Variants in STIM1 observed in about 807,000 individuals in gnomAD.
STIM1 encodes stromal interaction molecule 1.
Under a neutral mutation model 74.7 loss-of-function variants are expected in STIM1, and 25 were observed. The ratio of observed to expected loss-of-function variants is 0.33; its 90% CI spans 0.24 to 0.47. STIM1 has a LOEUF of 0.47. STIM1 is among the 20% of genes least tolerant of loss of function. STIM1 has a pLI of 1.00. For synonymous variants in STIM1, 328 were observed against 348.8 expected (o/e 0.94, Z 0.66); for missense variants, 728 against 920.8 (o/e 0.79, Z 2.71).
At chr11:4,068,784 C>T (rs1387276987) in intron 5 of STIM1, among the ~76,000 whole-genome samples, 2 of 152,210 alleles carry the variant, frequency 1.3e-5, no homozygotes, top group African/African-American at 4.8e-5. Context: ...CTCAGCCTTT[C>T]TGTGAGGAGC....
At chr11:4,009,544 G>T (rs1035932951) in intron 2 of STIM1, among the ~76,000 whole-genome samples, 2 of 151,398 alleles carry the variant, frequency 1.3e-5, no homozygotes, top group African/African-American at 4.9e-5. Context: ...GCGGGCAGAG[G>T]TTGCAGTGAG....
intron 5 of STIM1, 138 bp from the exon 6 acceptor site, chr11:4,069,887 TA>T: frequency 1.1e-6 from 1 of 925,652 alleles, no homozygotes; most frequent in Non-Finnish European, 1.7e-6. Context: ...AGTGTGTATC[TA>T]AGAAGAGAAA....
intron 1 of STIM1, among the ~76,000 whole-genome samples, chr11:3,949,177 A>G (rs1435690024): frequency 1.3e-5 from 2 of 152,212 alleles, no homozygotes; most frequent in Non-Finnish European, 2.9e-5. Flanking sequence ...CCCGGGGGTC[A>G]GTATAGAGAA....
intron 3 of STIM1, among the ~76,000 whole-genome samples, chr11:4,027,686 T>C (rs1186193332): frequency 6.6e-6 from 1 of 152,172 alleles, no homozygotes; most frequent in African/African-American, 2.4e-5. Flanking sequence ...GTGTCTTTGC[T>C]CAAGAGTCAG....
chr11:3,864,651 G>A (rs933832257), intron 1 of STIM1, among the ~76,000 whole-genome samples: 8 of 152,150 alleles, frequency 5.3e-5, no homozygotes, highest in African/African-American at 1.9e-4. Flanking sequence ...CTTCTATATT[G>A]TGTTTGTTAG....
intron 4 of STIM1, among the ~76,000 whole-genome samples, chr11:4,056,266 A>C (rs534919664): frequency 1.3e-5 from 2 of 152,182 alleles, no homozygotes; most frequent in Non-Finnish European, 2.9e-5. Context: ...CTGTTGTTTC[A>C]TAACTCTTTG....
intron 3 of STIM1, among the ~76,000 whole-genome samples, chr11:4,050,119 T>A (rs762371969): frequency 1.2e-4 from 19 of 152,118 alleles, no homozygotes; most frequent in Non-Finnish European, 1.8e-4. Flanking sequence ...CAAACAAAAA[T>A]TTTAGAATTC....
rs547648831 is a variant in STIM1 at position 4,086,594 on chromosome 11, G to A, written c.1634+51G>A. ...TTCTTGACAAGCCGGGTATCTCTGC[G>A]GCGAATGCGCAGCCTTTCATCTGGA... is the stretch of plus-strand genomic sequence containing the variant. On this transcript the variant is annotated intron_variant, in intron 12 of 12. Coordinates refer to ENST00000526596, the MANE Select transcript of STIM1 (RefSeq NM_001382567.1). 80 of 1,611,068 alleles carry A rather than the reference G, an allele frequency of 5.0e-5. No homozygotes were observed. The East Asian group carries it at 5.1e-4, about 10-fold the overall frequency.
rs369670575 is a variant in STIM1 at position 3,895,602 on chromosome 11, T to TTCTC, written c.139+39199_139+39202dup. Among the ~76,000 whole-genome samples the TTCTC allele has an allele frequency of 1.2e-4, 11 of 88,422 alleles. 1 individual carries two copies. The highest frequency in any genetic ancestry group is 4.5e-4 in the Admixed American group (4 of 8,884). 58.0% of individuals were successfully genotyped at this position (88,422 alleles called of 152,430 possible). A position where few individuals can be genotyped will look rare whatever the true frequency, so the allele number is the denominator to read the frequency against. ...GGGTTCCGGGAATAGTGTTCTTTCT[T>TTCTC]TCTCTCTCTTTCTTTCTTTCTTTCT... is the stretch of plus-strand genomic sequence containing the variant. On this transcript the variant is annotated intron_variant, in intron 1 of 12. Coordinates refer to ENST00000526596, the MANE Select transcript of STIM1 (RefSeq NM_001382567.1).
At chr11:4,011,271 C>G (rs2093833503) in intron 2 of STIM1, among the ~76,000 whole-genome samples, 1 of 152,150 alleles carries the variant, frequency 6.6e-6, no homozygotes, top group African/African-American at 2.4e-5. Context: ...ATTTCTAGTT[C>G]TAGATCCTTG....
At chr11:3,955,920 AT>A (rs1214432659) in intron 1 of STIM1, among the ~76,000 whole-genome samples, 1 of 151,610 alleles carries the variant, frequency 6.6e-6, no homozygotes, top group African/African-American at 2.4e-5. Context: ...TTAATTAAAA[AT>A]TTTTTTATTA....
In STIM1 at chr11:4,079,690, A is replaced by G. The variant is rs76519659; in HGVS notation, c.970-2494A>G. The stretch of plus-strand genomic sequence containing the variant: ...AAAACACAATTTTCATAAAATGCAT[A>G]CAGCTTTCTCCAGATGTTGTGTTGG... On this transcript the variant is annotated intron_variant, in intron 7 of 12. Coordinates refer to ENST00000526596, the MANE Select transcript of STIM1 (RefSeq NM_001382567.1). Among the ~76,000 whole-genome samples the G allele has an allele frequency of 4.9e-3, 741 of 152,374 alleles. 5 individuals are homozygous for G. The highest frequency in any genetic ancestry group is 6.7e-3 in the Non-Finnish European group (459 of 68,036).
chr11:3,907,310 C>T (rs951204372), intron 1 of STIM1, among the ~76,000 whole-genome samples: 1 of 152,176 alleles, frequency 6.6e-6, no homozygotes, highest in Non-Finnish European at 1.5e-5. Context: ...TTATTGACAA[C>T]TCAAATTTGT....
At chr11:3,880,167 C>T (rs1335534521) in intron 1 of STIM1, among the ~76,000 whole-genome samples, 1 of 152,170 alleles carries the variant, frequency 6.6e-6, no homozygotes, top group African/African-American at 2.4e-5. Context: ...CTCTCTGAGC[C>T]TTAGGGCCAC....
chr11:4,004,833 C>T (rs1277188477), intron 2 of STIM1, among the ~76,000 whole-genome samples: 2 of 152,188 alleles, frequency 1.3e-5, no homozygotes, highest in African/African-American at 2.4e-5. Context: ...TCGCAACCTA[C>T]TCATCTGACA....
intron 2 of STIM1, among the ~76,000 whole-genome samples, chr11:4,002,338 T>G (rs941874338): frequency 7.2e-5 from 11 of 152,148 alleles, no homozygotes; most frequent in Non-Finnish European, 1.3e-4. Context: ...TAGTTGGAAG[T>G]AAAGCACTCC....
chr11:3,978,102 A>G (rs943854788), intron 2 of STIM1, among the ~76,000 whole-genome samples: 1 of 151,738 alleles, frequency 6.6e-6, no homozygotes, highest in African/African-American at 2.4e-5. Flanking sequence ...TATAGGGACT[A>G]CAACTTTTCT....
chr11:3,977,492 T>C (rs1055752375), intron 2 of STIM1, among the ~76,000 whole-genome samples: 2 of 152,242 alleles, frequency 1.3e-5, no homozygotes, highest in African/African-American at 4.8e-5. Context: ...AGAAGTTACA[T>C]AATCCCTTTC....
chr11:3,904,987 G>C (rs940321895), intron 1 of STIM1, among the ~76,000 whole-genome samples: 2 of 152,082 alleles, frequency 1.3e-5, no homozygotes, highest in African/African-American at 2.4e-5. Context: ...AAGAAAGGGG[G>C]TTAAGGATAG....
Sources: gnomAD v4.1 joint callset for allele counts (sites outside exome capture counted in the v4.1 genomes callset) on GRCh38, gnomAD v4.1.1 for gene constraint, MANE v1.5 for transcripts, NCBI Gene and HGNC (gene_info 2026-07-23, HGNC 2026-07-21) for gene names.